The following CELSR1 variants were observed in gnomAD, a reference collection of about 807,000 sequenced individuals.
CELSR1 encodes the protein adhesion G protein-coupled receptor C1.
A neutral mutation model predicts 249.1 loss-of-function variants in CELSR1; 110 were observed. That is an observed-to-expected ratio of 0.44 (90% confidence interval 0.38 to 0.52). CELSR1 has a LOEUF of 0.52. CELSR1 is among the 20% of genes least tolerant of loss of function. CELSR1 has a pLI of 0.00. For synonymous variants in CELSR1, 2,113 were observed against 1,900.0 expected, an observed-to-expected ratio of 1.11 and a Z score of -2.92; for missense variants, 4,109 against 4,296.4, an observed-to-expected ratio of 0.96 and a Z score of 1.22.
Position 46,410,318 on chromosome 22 carries a change from A to C in CELSR1, c.4933+80T>G. Reference sequence around the variant, plus strand: ...AAAACACGGCTCCCCAGGGATCTGCAAGCAGTGACCTCTGTGTGGCTGCCG... The same window carrying C: ...AAAACACGGCTCCCCAGGGATCTGCCAGCAGTGACCTCTGTGTGGCTGCCG... On this transcript the variant is annotated intron_variant, in intron 7 of 34. Coordinates refer to ENST00000674500, the MANE Select transcript of CELSR1 (RefSeq NM_001378328.1). The surrounding 1 kb of genome is among the most constrained non-coding windows in gnomAD (Gnocchi z 6.8). The C allele has an allele frequency of 6.5e-7, 1 of 1,541,402 alleles. No homozygotes were observed. Among genetic ancestry groups the C allele is most frequent in the East Asian group, 2.3e-5 (1 of 44,004 alleles).
chr22:46,460,445 G>A (rs1390481946), intron 2 of CELSR1, among the ~76,000 whole-genome samples: 1 of 152,236 alleles, frequency 6.6e-6, no homozygotes, highest in Non-Finnish European at 1.5e-5. Context: ...GCAGATGGAT[G>A]GGGAGGAGAC....
intron 25 of CELSR1, among the ~76,000 whole-genome samples, chr22:46,371,014 T>C (rs2078845537): frequency 1.3e-5 from 2 of 152,200 alleles, no homozygotes; most frequent in Admixed American, 1.3e-4. Context: ...GACAAAGCCA[T>C]ACGAGCCCCT....
At chr22:46,387,168 G>T (rs932441663) in intron 18 of CELSR1, among the ~76,000 whole-genome samples, 1 of 152,134 alleles carries the variant, frequency 6.6e-6, no homozygotes, top group African/African-American at 2.4e-5. Flanking sequence ...CATATTCTTA[G>T]CTTAATTTAC....
chr22:46,366,303 G>A lies in CELSR1; in HGVS notation c.8300+83C>T, dbSNP rs1332194086. 4 of 1,081,504 alleles carry A rather than the reference G, an allele frequency of 3.7e-6. No homozygotes were observed. The African/African-American group carries it at 4.9e-5, about 13-fold the overall frequency. The allele number at this position is 1,081,504 out of a possible 1,614,324, so 67.0% of individuals were successfully genotyped here. On this transcript the variant is annotated intron_variant, in intron 30 of 34. Transcript: ENST00000674500. ...GGGTGGAAGGTGATGTTGGTTGAAT[G>A]GCAGGACACAGGTTGGGGTGGCAGG... is the stretch of plus-strand genomic sequence containing the variant.
rs759444334 is a variant in CELSR1, at chr22:46,490,074, C to A, written c.3545-25729G>T. Among the ~76,000 whole-genome samples, 2 of 152,158 alleles carry A rather than the reference C, an allele frequency of 1.3e-5. No homozygotes were observed. Among genetic ancestry groups the A allele is most frequent in the Non-Finnish European group, 2.9e-5 (2 of 68,024 alleles). ...GCCACCCCACAGGGCTGCACAGAGACCCAGTGAGCCGCTTTCTGAGAACCA... is the reference window on the plus strand; with the variant it reads ...GCCACCCCACAGGGCTGCACAGAGAACCAGTGAGCCGCTTTCTGAGAACCA... On this transcript the variant is annotated intron_variant, in intron 1 of 34. Transcript: ENST00000674500. The surrounding 1 kb of genome is among the most constrained non-coding windows in gnomAD (Gnocchi z 5.2).
chr22:46,537,590 G>A lies in CELSR1; in HGVS notation c.-420C>T, dbSNP rs2080873080. Among the ~76,000 whole-genome samples the A allele has an allele frequency of 6.8e-6, 1 of 147,278 alleles. No individual in the cohort carries two copies. Among genetic ancestry groups the A allele is most frequent in the Admixed American group, 6.7e-5 (1 of 14,850 alleles). On this transcript the variant is annotated 5_prime_UTR_variant, in exon 1 of 35. Transcript: ENST00000674500. This position sits in a 1 kb window ranked among gnomAD's most constrained non-coding sequence, Gnocchi z 5.8. ...GGCAGCTCCGCGCCGCGCAGACCCC[G>A]GCGGCCGGCTGCTGCCTGGGCGGTG... is the stretch of plus-strand genomic sequence containing the variant.
At chr22:46,511,955 T>G (rs2080578565) in intron 1 of CELSR1, among the ~76,000 whole-genome samples, 1 of 152,094 alleles carries the variant, frequency 6.6e-6, no homozygotes, top group African/African-American at 2.4e-5. Flanking sequence ...GACATGACGG[T>G]CACCTCCTGC....
rs184114689 is a variant in CELSR1, at chr22:46,527,870, C to T, written c.3544+5757G>A. 5.9e-3 allele frequency among the ~76,000 whole-genome samples: 891 copies of T among 152,194 alleles called. 19 individuals are homozygous for T. Among genetic ancestry groups the T allele is most frequent in the East Asian group, 0.044 (229 of 5,184 alleles). ...CAGCATTTTGGGAGGCTGAGGCGGGCGGATAGCCTGAGGTCAGGAGTTGGA... is the reference window on the plus strand; with the variant it reads ...CAGCATTTTGGGAGGCTGAGGCGGGTGGATAGCCTGAGGTCAGGAGTTGGA... On this transcript the variant is annotated intron_variant, in intron 1 of 34. Coordinates refer to ENST00000674500, the MANE Select transcript of CELSR1 (RefSeq NM_001378328.1). This position sits in a 1 kb window ranked among gnomAD's most constrained non-coding sequence, Gnocchi z 5.5.
At position 46,489,342 on chromosome 22, in the gene CELSR1, G is replaced by A. The variant is rs74692231; in HGVS notation, c.3545-24997C>T. Among the ~76,000 whole-genome samples the A allele has an allele frequency of 3.7e-3, 555 of 151,484 alleles. 2 individuals are homozygous for A. The highest frequency in any genetic ancestry group is 6.3e-3 in the Non-Finnish European group (430 of 67,892). ...GGCACTTTTGACTATTAACCCACCC[G>A]GCCTTCCCACCCTCCTGTCCTGGCT... On this transcript the variant is annotated intron_variant, in intron 1 of 34. Transcript: ENST00000674500.
chr22:46,371,865 C>T (rs946172526), intron 25 of CELSR1, among the ~76,000 whole-genome samples: 4 of 141,988 alleles, frequency 2.8e-5, no homozygotes, highest in Non-Finnish European at 6.1e-5. Context: ...CTCACTTATC[C>T]AATCCATCCA....
rs1286301035 is a variant in CELSR1 at position 46,534,347 on chromosome 22, A to T, written c.2824T>A (p.Tyr942Asn). 2 of 1,612,918 alleles carry T rather than the reference A, an allele frequency of 1.2e-6. No individual in the cohort carries two copies. Among genetic ancestry groups the T allele is most frequent in the East Asian group, 4.5e-5 (2 of 44,896 alleles). ...QGGDDGDGDF[Y>N]IEPTSGVIRT... is the part of the protein sequence containing the mutation. Reference sequence around the variant, plus strand: ...ATCACACCGGACGTGGGCTCGATGTAGAAGTCCCCATCGCCGTCGTCCCCA... The same window carrying T: ...ATCACACCGGACGTGGGCTCGATGTTGAAGTCCCCATCGCCGTCGTCCCCA... The change falls in exon 1 of 35, where the codon TAC becomes AAC. Residue 942 changes from tyrosine to asparagine, a missense_variant. Tyr to Asn is a moderately radical substitution (Grantham distance 143). This residue lies in a region of CELSR1 where 886 missense variants were observed against 896.5 expected (regional missense o/e 0.99). Transcript: ENST00000674500. The surrounding 1 kb of genome is among the most constrained non-coding windows in gnomAD (Gnocchi z 9.7).
At chr22:46,505,261 CAAAAAAAA>C (rs3081585) in intron 1 of CELSR1, among the ~76,000 whole-genome samples, 2 of 62,550 alleles carry the variant, frequency 3.2e-5, no homozygotes, top group Admixed American at 2.6e-4. Context: ...GACTCTGTCT[CAAAAAAAA>C]AAAAAAAAAA....
Position 46,411,666 on chromosome 22 carries a change from G to A in CELSR1, c.4705C>T (p.Arg1569Cys), listed in dbSNP as rs200439861. The change falls in exon 6 of 35, where the codon CGC (arginine) becomes TGC (cysteine). Residue 1569 changes from arginine (R) to cysteine (C), a missense_variant. Arg to Cys is a radical substitution (Grantham distance 180). Around this residue, in one of 7 missense-constraint regions of CELSR1, gnomAD observed 453 missense variants for 492.0 expected, o/e 0.92. Transcript: ENST00000674500. The surrounding 1 kb of genome is among the most constrained non-coding windows in gnomAD (Gnocchi z 4.2). ...VDDCDTTMAVRFGKDIGNYSC... is the reference protein window; with the variant it reads ...VDDCDTTMAVCFGKDIGNYSC... ...TAGTTCCCGATGTCCTTTCCAAAGCGCACAGCCATGGTTGTGTCACAATCA... is the reference window on the plus strand; with the variant it reads ...TAGTTCCCGATGTCCTTTCCAAAGCACACAGCCATGGTTGTGTCACAATCA... The A allele has an allele frequency of 3.3e-5, 53 of 1,614,080 alleles. No individual in the cohort carries two copies. Among genetic ancestry groups the A allele is most frequent in the Middle Eastern group, 1.6e-4 (1 of 6,084 alleles).
Position 46,454,135 on chromosome 22 carries a change from G to A in CELSR1, c.4183+9572C>T, listed in dbSNP as rs943163956. Reference sequence around the variant, plus strand: ...GAAGGTGCTAGTGGTGGAAGCAGGGGTCGGAGTGAGGTGAGGAAGGTGCCA... The same window carrying A: ...GAAGGTGCTAGTGGTGGAAGCAGGGATCGGAGTGAGGTGAGGAAGGTGCCA... On this transcript the variant is annotated intron_variant, in intron 2 of 34. Transcript: ENST00000674500. This position sits in a 1 kb window ranked among gnomAD's most constrained non-coding sequence, Gnocchi z 5.1. Among the ~76,000 whole-genome samples the A allele has an allele frequency of 1.3e-5, 2 of 152,138 alleles. No individual in the cohort carries two copies. The highest frequency in any genetic ancestry group is 2.9e-5 in the Non-Finnish European group (2 of 68,030).
At position 46,534,086 on chromosome 22, in the gene CELSR1, C is replaced by G. The variant is rs1338282499; in HGVS notation, c.3085G>C (p.Gly1029Arg). ...TGATACATGATCTGGGCATTAGGGC[C>G]TTCATCAGGGTCGTTAGCACGAATC... ...AKIRANDPDE[G>R]PNAQIMYQIV... The change falls in exon 1 of 35, where the codon GGC becomes CGC. Residue 1029 changes from glycine to arginine, a missense_variant. By Grantham distance (125) the Gly-to-Arg change is moderately radical. Transcript: ENST00000674500. This position sits in a 1 kb window ranked among gnomAD's most constrained non-coding sequence, Gnocchi z 9.7. The G allele has an allele frequency of 1.2e-6, 2 of 1,613,664 alleles. No individual in the cohort carries two copies. The highest frequency in any genetic ancestry group is 1.1e-5 in the South Asian group (1 of 91,088).
At chr22:46,416,706 G>A (rs888835295) in intron 5 of CELSR1, among the ~76,000 whole-genome samples, 5 of 152,224 alleles carry the variant, frequency 3.3e-5, no homozygotes, top group Admixed American at 1.3e-4. Flanking sequence ...GTGCAGATCC[G>A]GAATCCTGCT....
chr22:46,453,934 G>A (rs2079915800), intron 2 of CELSR1, among the ~76,000 whole-genome samples: 1 of 152,298 alleles, frequency 6.6e-6, no homozygotes, highest in South Asian at 2.1e-4. Flanking sequence ...GCAAAATAAT[G>A]GACCCCAAAA....
chr22:46,488,343 C>G lies in CELSR1; in HGVS notation c.3545-23998G>C, dbSNP rs1365052088. On this transcript the variant is annotated intron_variant, in intron 1 of 34. Transcript: ENST00000674500. This position sits in a 1 kb window ranked among gnomAD's most constrained non-coding sequence, Gnocchi z 4.7. ...ATGGTCTTGGGGGATGAGAGTCCCA[C>G]TAAGGAGCTGAGCCCTTCCTGCTCC... 2.6e-5 allele frequency among the ~76,000 whole-genome samples: 4 copies of G among 152,070 alleles called. No homozygotes were observed. The highest frequency in any genetic ancestry group is 9.7e-5 in the African/African-American group (4 of 41,382).
At position 46,488,997 on chromosome 22, in the gene CELSR1, C is replaced by T. The variant is rs1228358213; in HGVS notation, c.3545-24652G>A. 6.6e-6 allele frequency among the ~76,000 whole-genome samples: 1 copy of T among 152,030 alleles called. No homozygotes were observed. Among genetic ancestry groups the T allele is most frequent in the African/African-American group, 2.4e-5 (1 of 41,422 alleles). ...TTGAGCATGCAGCAGTTGGGGTCAC[C>T]GTGGCAGTAAGGGACATGTCAGCTC... On this transcript the variant is annotated intron_variant, in intron 1 of 34. Coordinates refer to ENST00000674500, the MANE Select transcript of CELSR1 (RefSeq NM_001378328.1). This position sits in a 1 kb window ranked among gnomAD's most constrained non-coding sequence, Gnocchi z 4.7.
Sources: gnomAD v4.1 joint callset for allele counts (sites outside exome capture counted in the v4.1 genomes callset) on GRCh38, gnomAD v4.1.1 for gene constraint, gnomAD v4.1.1 regional missense constraint, Gnocchi (gnomAD v3.1) non-coding constraint, MANE v1.5 for transcripts, NCBI Gene and HGNC (gene_info 2026-07-23, HGNC 2026-07-21) for gene names.